CFAP299: variants seen among roughly 807,000 people sequenced by gnomAD.
CFAP299 encodes the protein cilia- and flagella-associated protein 299.
Under a neutral mutation model 27.0 loss-of-function variants are expected in CFAP299, and 21 were observed. The observed-to-expected ratio is 0.78, with a 90% confidence interval of 0.55 to 1.12. The LOEUF (loss-of-function observed/expected upper bound fraction) is 1.12. CFAP299 is among the 50% of genes most tolerant of loss of function. The pLI is 0.00. For missense variants in CFAP299, 310 were observed against 276.6 expected (o/e 1.12, Z -0.86); for synonymous variants, 104 against 98.1 (o/e 1.06, Z -0.36).
chr4:80,463,987 A>G (rs1226793092), intron 2 of CFAP299, among the ~76,000 whole-genome samples: 1 of 152,226 alleles, frequency 6.6e-6, no homozygotes, highest in African/African-American at 2.4e-5. Context: ...CTGATTTTAA[A>G]TAGAAATGCA....
rs557001093 is a variant in CFAP299 at position 80,511,898 on chromosome 4, A to T, written c.243-71195A>T. ...TTAGGATCATTGCAGAAATTACTAC[A>T]CTAGGAGTAAGATTTCATATGAAAT... On this transcript the variant is annotated intron_variant, in intron 2 of 5. Transcript: ENST00000358105. Among the ~76,000 whole-genome samples the T allele has an allele frequency of 4.6e-5, 7 of 152,264 alleles. 1 individual carries two copies. Among genetic ancestry groups the T allele is most frequent in the African/African-American group, 1.7e-4 (7 of 41,568 alleles).
intron 3 of CFAP299, among the ~76,000 whole-genome samples, chr4:80,841,036 A>G (rs1193529923): frequency 6.6e-6 from 1 of 152,172 alleles, no homozygotes; most frequent in Non-Finnish European, 1.5e-5. Context: ...AATATTTCCA[A>G]TAAAGAAAGA....
intron 2 of CFAP299, chr4:80,387,877 G>C: frequency 8.7e-7 from 1 of 1,143,436 alleles, no homozygotes; most frequent in Non-Finnish European, 1.3e-6. Flanking sequence ...CATTGGTGGA[G>C]AGTCAAAGAT....
intron 3 of CFAP299, among the ~76,000 whole-genome samples, chr4:80,583,686 A>G (rs1254334128): frequency 3.3e-5 from 5 of 151,998 alleles, no homozygotes; most frequent in African/African-American, 1.2e-4. Context: ...CTTTATTAAA[A>G]TGTGTGCTAT....
At chr4:80,484,912 A>G (rs1730732505) in intron 2 of CFAP299, among the ~76,000 whole-genome samples, 1 of 152,178 alleles carries the variant, frequency 6.6e-6, no homozygotes. Context: ...CATTCCTTAT[A>G]GAAAAACCTC....
chr4:80,493,373 C>T (rs1349363367), intron 2 of CFAP299, among the ~76,000 whole-genome samples: 3 of 152,254 alleles, frequency 2.0e-5, no homozygotes, highest in South Asian at 2.1e-4. Flanking sequence ...GTGTCATTCC[C>T]CTATTGGCTA....
intron 3 of CFAP299, among the ~76,000 whole-genome samples, chr4:80,665,498 C>A (rs1374978045): frequency 6.6e-6 from 1 of 151,972 alleles, no homozygotes; most frequent in African/African-American, 2.4e-5. Flanking sequence ...TTTGTTGTAT[C>A]CTTTAATGTT....
At chr4:80,928,567 T>A (rs1040730469) in intron 4 of CFAP299, among the ~76,000 whole-genome samples, 1 of 152,118 alleles carries the variant, frequency 6.6e-6, no homozygotes, top group African/African-American at 2.4e-5. Flanking sequence ...AAGTGAGGGA[T>A]GAGGTTGCAA....
chr4:80,523,467 A>C (rs886239630), intron 2 of CFAP299, among the ~76,000 whole-genome samples: 1 of 152,110 alleles, frequency 6.6e-6, no homozygotes, highest in Non-Finnish European at 1.5e-5. Flanking sequence ...TATCAACTTG[A>C]TTGGGCTAAG....
At chr4:80,715,368 C>T (rs1442834042) in intron 3 of CFAP299, among the ~76,000 whole-genome samples, 1 of 151,942 alleles carries the variant, frequency 6.6e-6, no homozygotes, top group Non-Finnish European at 1.5e-5. Flanking sequence ...TGTTGATTTC[C>T]CTATAAATTC....
chr4:80,714,474 C>A (rs1722360177), intron 3 of CFAP299, among the ~76,000 whole-genome samples: 1 of 152,130 alleles, frequency 6.6e-6, no homozygotes, highest in South Asian at 2.1e-4. Context: ...CAGTGCTAAT[C>A]CTTAAAATAT....
chr4:80,493,876 C>T (rs1467732756), intron 2 of CFAP299, among the ~76,000 whole-genome samples: 9 of 148,004 alleles, frequency 6.1e-5, no homozygotes, highest in African/African-American at 1.5e-4. Context: ...CCCGGGTTCA[C>T]GCCATTCTCC....
At chr4:80,721,579 T>A (rs369502664) in intron 3 of CFAP299, among the ~76,000 whole-genome samples, 1 of 152,164 alleles carries the variant, frequency 6.6e-6, no homozygotes, top group Non-Finnish European at 1.5e-5. Context: ...CTAAATACAA[T>A]CATATTTTTG....
chr4:80,935,917 T>C (rs904550970), intron 4 of CFAP299, among the ~76,000 whole-genome samples: 28 of 152,098 alleles, frequency 1.8e-4, no homozygotes, highest in African/African-American at 6.5e-4. Flanking sequence ...ACAGAGACAC[T>C]TTACAAAAGT....
chr4:80,879,352 T>G (rs562142857), intron 4 of CFAP299, among the ~76,000 whole-genome samples: 1 of 152,240 alleles, frequency 6.6e-6, no homozygotes, highest in South Asian at 2.1e-4. Flanking sequence ...ATAATTAGCT[T>G]GCTTATGGAC....
intron 5 of CFAP299, among the ~76,000 whole-genome samples, chr4:80,955,726 G>A (rs944243474): frequency 2.0e-5 from 3 of 152,186 alleles, no homozygotes; most frequent in Non-Finnish European, 4.4e-5. Context: ...GCTAGGCCAG[G>A]CGCGGTGGCT....
intron 3 of CFAP299, among the ~76,000 whole-genome samples, chr4:80,736,406 C>T (rs1723875673): frequency 6.6e-6 from 1 of 151,862 alleles, no homozygotes; most frequent in Admixed American, 6.6e-5. Flanking sequence ...ATTTTCGCAA[C>T]CTACTCATCT....
chr4:80,452,350 T>C (rs1421605496), intron 2 of CFAP299, among the ~76,000 whole-genome samples: 2 of 151,774 alleles, frequency 1.3e-5, no homozygotes, highest in Non-Finnish European at 2.9e-5. Flanking sequence ...ACCCAACCCA[T>C]AAATTATAGG....
chr4:80,435,589 A>G (rs1728029132), intron 2 of CFAP299, among the ~76,000 whole-genome samples: 1 of 152,206 alleles, frequency 6.6e-6, no homozygotes, highest in Non-Finnish European at 1.5e-5. Context: ...ATCTCCCAAG[A>G]AGAATGATTT....
Sources: allele counts gnomAD v4.1 joint callset (sites outside exome capture counted in the v4.1 genomes callset), GRCh38; gene constraint gnomAD v4.1.1; transcripts MANE v1.5; gene names NCBI Gene and HGNC (gene_info 2026-07-23, HGNC 2026-07-21).